The following B3GALT1 variants were observed in gnomAD, a reference collection of about 807,000 sequenced individuals.
The protein encoded by B3GALT1 is beta-1,3-galactosyltransferase 1.
In B3GALT1, 10 loss-of-function variants were observed where a neutral mutation model predicts 23.2. The ratio of observed to expected loss-of-function variants is 0.43; its 90% CI spans 0.27 to 0.73. B3GALT1 has a LOEUF of 0.73. Ranked by LOEUF, B3GALT1 falls within the 30% of genes least tolerant of loss-of-function variation. The pLI, the probability that B3GALT1 is intolerant of heterozygous loss-of-function variation, is 0.21. For missense variants in B3GALT1, 299 were observed against 405.4 expected (o/e 0.74, Z 2.25); for synonymous variants, 156 against 141.5 (o/e 1.10, Z -0.73).
At chr2:167,296,905 C>T (rs1212819497) in intron 1 of B3GALT1, among the ~76,000 whole-genome samples, 1 of 152,094 alleles carries the variant, frequency 6.6e-6, no homozygotes, top group Non-Finnish European at 1.5e-5. Context: ...ATTCTAAGAT[C>T]TAGATCTCAT....
chr2:167,850,733 G>A (rs1033498362), intron 4 of B3GALT1, among the ~76,000 whole-genome samples: 1 of 152,090 alleles, frequency 6.6e-6, no homozygotes, highest in African/African-American at 2.4e-5. Context: ...ACCAAACGTC[G>A]TGTGTGCTCA....
At chr2:167,477,763 C>G (rs1699507329) in intron 1 of B3GALT1, among the ~76,000 whole-genome samples, 1 of 152,146 alleles carries the variant, frequency 6.6e-6, no homozygotes, top group African/African-American at 2.4e-5. Context: ...GTTGTGGAAA[C>G]TGTTCAACAT....
chr2:167,807,515 T>C (rs1279939459), intron 3 of B3GALT1, among the ~76,000 whole-genome samples: 1 of 151,908 alleles, frequency 6.6e-6, no homozygotes, highest in African/African-American at 2.4e-5. Context: ...GTATGTTGTG[T>C]CTTTGTTCTC....
At chr2:167,850,022 A>G (rs1206721990) in intron 4 of B3GALT1, among the ~76,000 whole-genome samples, 3 of 152,230 alleles carry the variant, frequency 2.0e-5, no homozygotes, top group Non-Finnish European at 2.9e-5. Context: ...AGCAAATTCA[A>G]TAAAAACAAA....
chr2:167,544,768 A>G (rs564404249), intron 2 of B3GALT1, among the ~76,000 whole-genome samples: 32 of 152,260 alleles, frequency 2.1e-4, no homozygotes, highest in African/African-American at 7.7e-4. Flanking sequence ...CTAGTTGTCA[A>G]ACAGCAAGTC....
chr2:167,396,418 A>G (rs1403016469), intron 1 of B3GALT1, among the ~76,000 whole-genome samples: 2 of 151,918 alleles, frequency 1.3e-5, no homozygotes, highest in Non-Finnish European at 2.9e-5. Flanking sequence ...TTCATTAAGT[A>G]GAATAAAATC....
chr2:167,787,468 GA>G (rs1688360074), intron 3 of B3GALT1, among the ~76,000 whole-genome samples: 1 of 152,198 alleles, frequency 6.6e-6, no homozygotes, highest in South Asian at 2.1e-4. Flanking sequence ...CAGCCAAATT[GA>G]ATAAAAACTT....
chr2:167,564,120 G>T (rs1380264223), intron 2 of B3GALT1, among the ~76,000 whole-genome samples: 2 of 151,258 alleles, frequency 1.3e-5, no homozygotes, highest in African/African-American at 4.9e-5. Context: ...GCGGCTGCCT[G>T]GCGGAGGGGC....
intron 4 of B3GALT1, among the ~76,000 whole-genome samples, chr2:167,855,977 A>G (rs1689993595): frequency 6.6e-6 from 1 of 152,180 alleles, no homozygotes. Flanking sequence ...ATAGCCTCAG[A>G]ATTTCATGGA....
At chr2:167,738,002 C>T (rs1177653111) in intron 3 of B3GALT1, among the ~76,000 whole-genome samples, 1 of 152,148 alleles carries the variant, frequency 6.6e-6, no homozygotes, top group Non-Finnish European at 1.5e-5. Flanking sequence ...TGACAAACCC[C>T]AAGACTATCT....
chr2:167,658,796 C>T (rs1162806049), intron 3 of B3GALT1, among the ~76,000 whole-genome samples: 1 of 151,944 alleles, frequency 6.6e-6, no homozygotes, highest in Non-Finnish European at 1.5e-5. Context: ...TACAATATGA[C>T]ATATAGGAGT....
chr2:167,545,757 A>G (rs1683626443), intron 2 of B3GALT1, among the ~76,000 whole-genome samples: 1 of 152,196 alleles, frequency 6.6e-6, no homozygotes, highest in Non-Finnish European at 1.5e-5. Flanking sequence ...AGGATGACTC[A>G]CACAACTCAA....
chr2:167,545,125 C>T (rs577836836), intron 2 of B3GALT1, among the ~76,000 whole-genome samples: 98 of 144,902 alleles, frequency 6.8e-4, no homozygotes, highest in African/African-American at 2.4e-3. Flanking sequence ...AGCTCTGCCT[C>T]CCGGGTTCAT....
chr2:167,707,943 G>A (rs1272036194), intron 3 of B3GALT1, among the ~76,000 whole-genome samples: 2 of 152,288 alleles, frequency 1.3e-5, no homozygotes, highest in Admixed American at 1.3e-4. Context: ...AATAAAATTG[G>A]TTCAAACATC....
intron 3 of B3GALT1, among the ~76,000 whole-genome samples, chr2:167,739,179 A>T (rs1687536863): frequency 6.6e-6 from 1 of 152,204 alleles, no homozygotes; most frequent in East Asian, 1.9e-4. Flanking sequence ...ACCCTGTTGA[A>T]TGGGGAGATT....
chr2:167,676,480 T>TATAC lies in B3GALT1; in HGVS notation c.-352+29515_-352+29516insTACA, dbSNP rs1553478060. On this transcript the variant is annotated intron_variant, in intron 3 of 4. Transcript: ENST00000392690. The stretch of plus-strand genomic sequence containing the variant: ...CTTCCCATCTAACCTTATATATATA[T>TATAC]ACACACACACACACATGCACACACG... Among the ~76,000 whole-genome samples the TATAC allele has an allele frequency of 3.9e-3, 578 of 149,438 alleles. 3 individuals carry two copies. Among genetic ancestry groups the TATAC allele is most frequent in the African/African-American group, 0.013 (546 of 40,552 alleles).
chr2:167,619,637 A>G (rs1198820738), intron 2 of B3GALT1, among the ~76,000 whole-genome samples: 1 of 152,134 alleles, frequency 6.6e-6, no homozygotes, highest in Non-Finnish European at 1.5e-5. Context: ...ATTTTAATAA[A>G]CTAGCATCTC....
chr2:167,410,924 C>A (rs1698380740), intron 1 of B3GALT1, among the ~76,000 whole-genome samples: 1 of 151,848 alleles, frequency 6.6e-6, no homozygotes, highest in Non-Finnish European at 1.5e-5. Context: ...AAATGAGGTT[C>A]TTAATAGACC....
chr2:167,548,716 G>GTGTGTGTGTGTA (rs1328519962), intron 2 of B3GALT1, among the ~76,000 whole-genome samples: 1 of 150,544 alleles, frequency 6.6e-6, no homozygotes, highest in Non-Finnish European at 1.5e-5. Context: ...GTGTGTGTGT[G>GTGTGTGTGTGTA]TATGTGTGTG....
Sources: allele counts gnomAD v4.1 joint callset (sites outside exome capture counted in the v4.1 genomes callset), GRCh38; gene constraint gnomAD v4.1.1; transcripts MANE v1.5; gene names NCBI Gene and HGNC (gene_info 2026-07-23, HGNC 2026-07-21).